ADAMTSL1: variants seen among roughly 807,000 people sequenced by gnomAD.
ADAMTSL1 encodes ADAMTS like 1.
ADAMTSL1 carries 126 observed loss-of-function variants against 201.8 expected under a neutral mutation model. The observed-to-expected ratio is 0.62, with a 90% CI of 0.54 to 0.72. The LOEUF (loss-of-function observed/expected upper bound fraction) is 0.72, where lower values mean the gene tolerates loss of function less well. Ranked by LOEUF, ADAMTSL1 falls within the 30% of genes least tolerant of loss-of-function variation. The pLI, the probability that ADAMTSL1 is intolerant of heterozygous loss-of-function variation, is 0.00. For missense variants in ADAMTSL1, 2,679 were observed against 2,277.8 expected, an observed-to-expected ratio of 1.18 and a Z score of -3.59; for synonymous variants, 1,121 against 903.4, an observed-to-expected ratio of 1.24 and a Z score of -4.32.
intron 1 of ADAMTSL1, among the ~76,000 whole-genome samples, chr9:18,049,153 T>C (rs1035741522): frequency 5.3e-5 from 8 of 152,220 alleles, no homozygotes; most frequent in Admixed American, 5.2e-4. Context: ...TGATCTCTCT[T>C]AAGATCCTCA....
chr9:18,488,223 T>A (rs979252955), intron 1 of ADAMTSL1, among the ~76,000 whole-genome samples: 1 of 152,172 alleles, frequency 6.6e-6, no homozygotes, highest in East Asian at 1.9e-4. Flanking sequence ...TGTATGTTTG[T>A]CTTACCTTAG....
intron 20 of ADAMTSL1, among the ~76,000 whole-genome samples, chr9:18,797,877 C>A (rs1375669987): frequency 1.3e-5 from 2 of 152,154 alleles, no homozygotes; most frequent in African/African-American, 2.4e-5. Context: ...AGTGAAACAA[C>A]CTGAAAACAA....
intron 1 of ADAMTSL1, among the ~76,000 whole-genome samples, chr9:18,126,794 A>C (rs564370712): frequency 1.6e-4 from 24 of 152,334 alleles, no homozygotes; most frequent in Admixed American, 1.1e-3. Context: ...AGTTATCTCT[A>C]AATCTTTGAA....
At chr9:18,898,749 A>T (rs1001390683) in intron 26 of ADAMTSL1, among the ~76,000 whole-genome samples, 4 of 152,226 alleles carry the variant, frequency 2.6e-5, no homozygotes, top group African/African-American at 9.6e-5. Flanking sequence ...ATAAAATTCA[A>T]CATCACCTTC....
In ADAMTSL1 at chr9:17,906,786, C is replaced by T. The variant is rs1310506983; in HGVS notation, c.-50C>T. On this transcript the variant is annotated 5_prime_UTR_variant, in exon 1 of 30. Coordinates refer to the ADAMTSL1 transcript ENST00000680146. The stretch of plus-strand genomic sequence containing the variant: ...TCAGCGCAGGAGGCGGCCACCTCTT[C>T]GAGGGAGGGGTCTCGCCTGAGACTC... 2.0e-5 allele frequency: 3 copies of T among 152,476 alleles called. No individual in the cohort carries two copies. The East Asian group carries it at 5.8e-4, about 30-fold the overall frequency. 9.4% of individuals were successfully genotyped at this position (152,476 alleles called of 1,614,324 possible). A position where few individuals can be genotyped will look rare whatever the true frequency, so the allele number is the denominator to read the frequency against.
At chr9:18,092,845 A>G (rs1281725875) in intron 1 of ADAMTSL1, among the ~76,000 whole-genome samples, 1 of 152,240 alleles carries the variant, frequency 6.6e-6, no homozygotes, top group Non-Finnish European at 1.5e-5. Context: ...TTTGTAATGA[A>G]AATATTTCAT....
chr9:18,805,837 TG>T (rs748467804), intron 20 of ADAMTSL1, among the ~76,000 whole-genome samples: 1 of 152,214 alleles, frequency 6.6e-6, no homozygotes, highest in Non-Finnish European at 1.5e-5. Context: ...TTGCTGTTCG[TG>T]GGCCCTTTCT....
At chr9:18,327,408 A>G (rs946355091) in intron 2 of ADAMTSL1, among the ~76,000 whole-genome samples, 3 of 152,188 alleles carry the variant, frequency 2.0e-5, no homozygotes, top group Non-Finnish European at 4.4e-5. Flanking sequence ...ATTTTGGGGT[A>G]TTTAGAAGCT....
In ADAMTSL1 at chr9:18,512,219, G is replaced by A. The variant is rs1024451030; in HGVS notation, c.191+7263G>A. Reference sequence around the variant, plus strand: ...ATTACCAAGACTTCTAATATTTCAGGTCATATATCTTAGGGGGGTGTATTG... The same window carrying A: ...ATTACCAAGACTTCTAATATTTCAGATCATATATCTTAGGGGGGTGTATTG... On this transcript the variant is annotated intron_variant, in intron 2 of 28. Transcript: ENST00000380548. Among the ~76,000 whole-genome samples the A allele has an allele frequency of 3.9e-5, 6 of 152,118 alleles. 1 individual carries two copies. In the South Asian group the frequency reaches 6.2e-4, roughly 16 times the overall value.
intron 23 of ADAMTSL1, among the ~76,000 whole-genome samples, chr9:18,842,978 C>T (rs1370813638): frequency 6.6e-6 from 1 of 152,180 alleles, no homozygotes. Context: ...TGGGTCTTGA[C>T]TCTTTATCCA....
chr9:18,757,965 A>G (rs1318516892), intron 16 of ADAMTSL1, among the ~76,000 whole-genome samples: 1 of 152,198 alleles, frequency 6.6e-6, no homozygotes. Flanking sequence ...AGCTCTAGAC[A>G]CTTTACATAT....
At chr9:18,512,157 T>A (rs1270530361) in intron 2 of ADAMTSL1, among the ~76,000 whole-genome samples, 1 of 152,202 alleles carries the variant, frequency 6.6e-6, no homozygotes, top group Non-Finnish European at 1.5e-5. Flanking sequence ...GCAGTTGCCT[T>A]CCTTTTACTT....
chr9:18,369,643 A>C (rs1272093738), intron 2 of ADAMTSL1, among the ~76,000 whole-genome samples: 3 of 152,200 alleles, frequency 2.0e-5, no homozygotes. Flanking sequence ...ACTCAAAGGA[A>C]AAGAAATTAT....
intron 26 of ADAMTSL1, among the ~76,000 whole-genome samples, chr9:18,901,149 A>T (rs79635881): frequency 1.3e-4 from 13 of 100,412 alleles, no homozygotes; most frequent in Admixed American, 5.2e-4. Flanking sequence ...TTCTTTATTT[A>T]AAAAAAAAAA....
chr9:17,983,063 T>TA (rs1818779721), intron 1 of ADAMTSL1, among the ~76,000 whole-genome samples: 1 of 77,182 alleles, frequency 1.3e-5, no homozygotes, highest in East Asian at 6.8e-4. Context: ...TTCTTTTCTT[T>TA]CTTTCTTTCT....
At chr9:18,819,151 T>C (rs1824045929) in intron 21 of ADAMTSL1, among the ~76,000 whole-genome samples, 1 of 151,910 alleles carries the variant, frequency 6.6e-6, no homozygotes, top group Non-Finnish European at 1.5e-5. Flanking sequence ...GTGGAACTGG[T>C]AGGAGTAAAA....
intron 2 of ADAMTSL1, among the ~76,000 whole-genome samples, chr9:18,507,701 A>G (rs1342326432): frequency 6.6e-6 from 1 of 152,132 alleles, no homozygotes; most frequent in African/African-American, 2.4e-5. Flanking sequence ...ATGCGTATAC[A>G]CCTACAAACC....
At chr9:18,892,288 C>G in intron 25 of ADAMTSL1, 101 bp from the exon 26 acceptor site, 1 of 1,227,788 alleles carries the variant, frequency 8.1e-7, no homozygotes, top group Non-Finnish European at 1.1e-6. Context: ...GGGCCTTGGC[C>G]CCAAATTAGT....
intron 1 of ADAMTSL1, among the ~76,000 whole-genome samples, chr9:17,936,355 G>T (rs10963348): frequency 0.21 from 31,441 of 152,134 alleles, 3,431 homozygotes; most frequent in Middle Eastern, 0.28. Context: ...CATTGAGGTA[G>T]AAGATTGCAT....
Sources: allele counts gnomAD v4.1 joint callset (sites outside exome capture counted in the v4.1 genomes callset), GRCh38; gene constraint gnomAD v4.1.1; transcripts MANE v1.5; gene names NCBI Gene and HGNC (gene_info 2026-07-23, HGNC 2026-07-21).